The following MAN1C1 variants were observed in gnomAD, a reference collection of about 807,000 sequenced individuals.
The protein encoded by MAN1C1 is mannosyl-oligosaccharide 1,2-alpha-mannosidase IC.
Under a neutral mutation model 71.5 loss-of-function variants are expected in MAN1C1, and 49 were observed. That is an observed-to-expected ratio of 0.69 (90% CI 0.54 to 0.87). MAN1C1 has a LOEUF of 0.87. MAN1C1 is among the 40% of genes least tolerant of loss of function. The pLI, the probability that MAN1C1 is intolerant of heterozygous loss-of-function variation, is 0.00. For missense variants in MAN1C1, 743 were observed against 835.0 expected (o/e 0.89, Z 1.36); for synonymous variants, 352 against 343.7 (o/e 1.02, Z -0.27).
At chr1:25,690,824 C>CG (rs2046298453) in intron 2 of MAN1C1, among the ~76,000 whole-genome samples, 1 of 152,138 alleles carries the variant, frequency 6.6e-6, no homozygotes, top group South Asian at 2.1e-4. Context: ...GGCACTTGAT[C>CG]GGGGGGTGCT....
chr1:25,755,600 C>T (rs2047275343), intron 5 of MAN1C1, among the ~76,000 whole-genome samples: 1 of 152,222 alleles, frequency 6.6e-6, no homozygotes, highest in Admixed American at 6.5e-5. Context: ...GTCTTTTCAA[C>T]CTCACAGCAA....
At chr1:25,768,847 TAC>T (rs2047501195) in intron 7 of MAN1C1, among the ~76,000 whole-genome samples, 1 of 120,348 alleles carries the variant, frequency 8.3e-6, no homozygotes, top group African/African-American at 3.2e-5. Flanking sequence ...CCACACACAT[TAC>T]ATACACTCTC....
chr1:25,715,054 C>T (rs1471882541), intron 2 of MAN1C1, among the ~76,000 whole-genome samples: 2 of 152,166 alleles, frequency 1.3e-5, no homozygotes, highest in African/African-American at 4.8e-5. Context: ...GTTTATTTCT[C>T]TTCCCTGTGG....
intron 8 of MAN1C1, among the ~76,000 whole-genome samples, chr1:25,774,853 A>G (rs2047598939): frequency 6.7e-6 from 1 of 150,156 alleles, no homozygotes; most frequent in Non-Finnish European, 1.5e-5. Flanking sequence ...CTTGTGCCCC[A>G]CTTAGCTCCT....
At chr1:25,728,103 G>A (rs1438403183) in intron 2 of MAN1C1, among the ~76,000 whole-genome samples, 1 of 152,190 alleles carries the variant, frequency 6.6e-6, no homozygotes, top group Non-Finnish European at 1.5e-5. Context: ...CTCCCTTTGG[G>A]CGGCTCAGCT....
intron 1 of MAN1C1, among the ~76,000 whole-genome samples, chr1:25,650,053 A>AG (rs969696847): frequency 4.6e-5 from 7 of 151,882 alleles, no homozygotes; most frequent in African/African-American, 1.7e-4. Flanking sequence ...AAGTTGGGGG[A>AG]GGGGGCAGTG....
rs577863949 is a variant in MAN1C1 at position 25,634,118 on chromosome 1, T to C, written c.540+15781T>C. ...ATTGAACCAATTTATTATGTATATATATTTTTTGGTAGCTTTCTTAGGATC... is the reference window on the plus strand; with the variant it reads ...ATTGAACCAATTTATTATGTATATACATTTTTTGGTAGCTTTCTTAGGATC... On this transcript the variant is annotated intron_variant, in intron 1 of 11. Transcript: ENST00000374332. This position sits in a 1 kb window ranked among gnomAD's most constrained non-coding sequence, Gnocchi z 4.6. Among the ~76,000 whole-genome samples the C allele has an allele frequency of 3.3e-5, 5 of 152,356 alleles. No individual in the cohort carries two copies. The East Asian group carries it at 9.6e-4, about 29-fold the overall frequency.
chr1:25,769,629 C>T lies in MAN1C1; in HGVS notation c.1142-2028C>T, dbSNP rs2047519100. ...AGGCCCTTCCTGGCACAGCCCAAGC[C>T]TCCCATCCCGGCAGAGCCCAGGCCT... is the stretch of plus-strand genomic sequence containing the variant. On this transcript the variant is annotated intron_variant, in intron 7 of 11. Transcript: ENST00000374332. This position sits in a 1 kb window ranked among gnomAD's most constrained non-coding sequence, Gnocchi z 4.8. 6.6e-6 allele frequency among the ~76,000 whole-genome samples: 1 copy of T among 152,216 alleles called. No homozygotes were observed. The highest frequency in any genetic ancestry group is 1.5e-5 in the Non-Finnish European group (1 of 68,038).
chr1:25,673,296 T>C (rs1188713284), intron 1 of MAN1C1, among the ~76,000 whole-genome samples: 2 of 152,170 alleles, frequency 1.3e-5, no homozygotes, highest in African/African-American at 4.8e-5. Context: ...GCATTGTAAC[T>C]GATCCTTGCA....
chr1:25,754,104 A>G (rs550030879), intron 5 of MAN1C1, among the ~76,000 whole-genome samples: 6 of 152,276 alleles, frequency 3.9e-5, no homozygotes, highest in Non-Finnish European at 7.4e-5. Context: ...AAGGAGCCCT[A>G]GCCACTGTCC....
chr1:25,664,064 G>A (rs1277004225), intron 1 of MAN1C1, among the ~76,000 whole-genome samples: 1 of 152,152 alleles, frequency 6.6e-6, no homozygotes, highest in Non-Finnish European at 1.5e-5. Context: ...GAAGGGGGAT[G>A]ATCAGGGACT....
intron 1 of MAN1C1, among the ~76,000 whole-genome samples, chr1:25,639,374 G>A (rs370419652): frequency 2.6e-5 from 4 of 152,110 alleles, no homozygotes; most frequent in African/African-American, 9.7e-5. Context: ...GCTGAGTATG[G>A]GTCACAGCTT....
rs1396760432 is a variant in MAN1C1 at position 25,733,756 on chromosome 1, G to C, written c.638-12912G>C. 3.3e-5 allele frequency among the ~76,000 whole-genome samples: 5 copies of C among 151,882 alleles called. No individual in the cohort carries two copies. In the East Asian group the frequency reaches 9.6e-4, roughly 29 times the overall value. Reference sequence around the variant, plus strand: ...AGCCTCAATCTTCGTCTGTAAGAGGGGGACAATGAGTTTTTATTTTGTTTA... The same window carrying C: ...AGCCTCAATCTTCGTCTGTAAGAGGCGGACAATGAGTTTTTATTTTGTTTA... On this transcript the variant is annotated intron_variant, in intron 2 of 11. Coordinates refer to ENST00000374332, the MANE Select transcript of MAN1C1 (RefSeq NM_020379.4).
chr1:25,666,648 G>A (rs1434904950), intron 1 of MAN1C1, among the ~76,000 whole-genome samples: 2 of 152,194 alleles, frequency 1.3e-5, no homozygotes, highest in African/African-American at 4.8e-5. Flanking sequence ...AGCCGACATC[G>A]TTTTATGTAA....
intron 2 of MAN1C1, among the ~76,000 whole-genome samples, chr1:25,718,832 G>A (rs1355279500): frequency 6.6e-6 from 1 of 152,054 alleles, no homozygotes; most frequent in African/African-American, 2.4e-5. Flanking sequence ...TTTATCAGTT[G>A]ATGGACATTT....
chr1:25,690,192 C>G (rs554636661), intron 2 of MAN1C1, among the ~76,000 whole-genome samples: 1 of 152,236 alleles, frequency 6.6e-6, no homozygotes, highest in African/African-American at 2.4e-5. Context: ...TCAGCAGGCC[C>G]TGTCAGAAGA....
At chr1:25,770,959 C>T (rs1044210580) in intron 7 of MAN1C1, among the ~76,000 whole-genome samples, 6 of 152,186 alleles carry the variant, frequency 3.9e-5, no homozygotes, top group Non-Finnish European at 8.8e-5. Flanking sequence ...CTTGCGTCTG[C>T]GGTGAAGTGT....
chr1:25,704,099 C>A (rs2046484046), intron 2 of MAN1C1, among the ~76,000 whole-genome samples: 1 of 152,176 alleles, frequency 6.6e-6, no homozygotes, highest in African/African-American at 2.4e-5. Flanking sequence ...TGATCAATAG[C>A]AACCAGCCAG....
chr1:25,748,391 G>A (rs528987922), intron 3 of MAN1C1, among the ~76,000 whole-genome samples: 2 of 152,312 alleles, frequency 1.3e-5, no homozygotes, highest in East Asian at 1.9e-4. Flanking sequence ...TAATAAAGAC[G>A]ATGGTGTGCA....
Sources: gnomAD v4.1 joint callset for allele counts (sites outside exome capture counted in the v4.1 genomes callset) on GRCh38, gnomAD v4.1.1 for gene constraint, Gnocchi (gnomAD v3.1) non-coding constraint, MANE v1.5 for transcripts, NCBI Gene and HGNC (gene_info 2026-07-23, HGNC 2026-07-21) for gene names.